TAFA4: variants seen among roughly 807,000 people sequenced by gnomAD.
The protein encoded by TAFA4 is chemokine-like protein TAFA-4.
TAFA4 carries 20 observed loss-of-function variants against 21.1 expected under a neutral mutation model. The observed-to-expected ratio is 0.95, with a 90% CI of 0.67 to 1.38. TAFA4 has a LOEUF of 1.38. Among genes scored for constraint, TAFA4 ranks in the 40% most tolerant of loss-of-function variants. The probability of loss-of-function intolerance (pLI) is 0.00; values close to 1 mark genes in which losing one functional copy is unlikely to be tolerated. For missense variants in TAFA4, 211 were observed against 180.9 expected, an observed-to-expected ratio of 1.17 and a Z score of -0.95; for synonymous variants, 71 against 67.4, an observed-to-expected ratio of 1.05 and a Z score of -0.26.
At chr3:68,738,803 C>G (rs7626497) in intron 5 of TAFA4, among the ~76,000 whole-genome samples, 1 of 151,986 alleles carries the variant, frequency 6.6e-6, no homozygotes, top group African/African-American at 2.4e-5. Flanking sequence ...GAAACCTTTA[C>G]TTTAAATCGG....
At chr3:68,924,393 GT>G (rs11290171) in intron 1 of TAFA4, among the ~76,000 whole-genome samples, 16,390 of 152,184 alleles carry the variant, frequency 0.11, 2,494 homozygotes, top group African/African-American at 0.33. Context: ...AACGAATAAT[GT>G]TATGTCTCCA....
At chr3:68,909,080 T>C (rs144627242) in intron 1 of TAFA4, among the ~76,000 whole-genome samples, 3 of 152,334 alleles carry the variant, frequency 2.0e-5, no homozygotes, top group East Asian at 3.9e-4. Context: ...TTTAAATTTA[T>C]GTATCTGCTT....
At chr3:68,855,075 T>C (rs1705042267) in intron 3 of TAFA4, among the ~76,000 whole-genome samples, 1 of 152,154 alleles carries the variant, frequency 6.6e-6, no homozygotes, top group African/African-American at 2.4e-5. Context: ...AACAAATGAC[T>C]GTATGAAAGC....
chr3:68,826,858 A>G (rs1265048452), intron 3 of TAFA4, among the ~76,000 whole-genome samples: 1 of 152,180 alleles, frequency 6.6e-6, no homozygotes, highest in Non-Finnish European at 1.5e-5. Context: ...AGAAGAAATA[A>G]CAGGTCTTGT....
At chr3:68,850,698 AG>A (rs999925678) in intron 3 of TAFA4, among the ~76,000 whole-genome samples, 4 of 151,328 alleles carry the variant, frequency 2.6e-5, no homozygotes, top group African/African-American at 9.7e-5. Flanking sequence ...TCTTTTGAGA[AG>A]TGTTCGTGTC....
intron 3 of TAFA4, among the ~76,000 whole-genome samples, chr3:68,765,066 C>CTA (rs35419426): frequency 0.045 from 6,840 of 152,032 alleles, 387 homozygotes; most frequent in East Asian, 0.25. Context: ...TTAAAAAAAA[C>CTA]TATATATATC....
chr3:68,908,580 C>T (rs919486803), intron 1 of TAFA4, among the ~76,000 whole-genome samples: 5 of 151,690 alleles, frequency 3.3e-5, no homozygotes, highest in African/African-American at 4.8e-5. Context: ...ATGGAATTCT[C>T]CAGAGGTAAA....
chr3:68,889,087 T>G (rs2089705326), intron 1 of TAFA4, among the ~76,000 whole-genome samples: 1 of 152,188 alleles, frequency 6.6e-6, no homozygotes, highest in Non-Finnish European at 1.5e-5. Flanking sequence ...AAGTCATGTG[T>G]TTTTAAAGAG....
intron 3 of TAFA4, among the ~76,000 whole-genome samples, chr3:68,871,278 T>C (rs2089479994): frequency 6.6e-6 from 1 of 152,012 alleles, no homozygotes; most frequent in African/African-American, 2.4e-5. Flanking sequence ...GCAGCACTAT[T>C]TACAATACCA....
chr3:68,876,705 C>G (rs1409221388), intron 3 of TAFA4, among the ~76,000 whole-genome samples: 1 of 151,814 alleles, frequency 6.6e-6, no homozygotes, highest in Non-Finnish European at 1.5e-5. Flanking sequence ...CACACAATCA[C>G]AACATGCATA....
intron 3 of TAFA4, among the ~76,000 whole-genome samples, chr3:68,780,519 G>T (rs1397496575): frequency 6.6e-6 from 1 of 152,164 alleles, no homozygotes; most frequent in African/African-American, 2.4e-5. Flanking sequence ...AGTCTCATGA[G>T]ATCTGATGGT....
At chr3:68,760,209 A>G (rs1702736010) in intron 3 of TAFA4, among the ~76,000 whole-genome samples, 1 of 152,218 alleles carries the variant, frequency 6.6e-6, no homozygotes, top group Non-Finnish European at 1.5e-5. Context: ...CAGGACTGCT[A>G]TAGAGGATGG....
intron 3 of TAFA4, among the ~76,000 whole-genome samples, chr3:68,825,675 A>T (rs552010946): frequency 4.6e-5 from 7 of 152,234 alleles, no homozygotes; most frequent in Non-Finnish European, 8.8e-5. Flanking sequence ...AGTGTCCAGC[A>T]TAACTCATAA....
At chr3:68,883,487 C>T (rs1028544823) in intron 2 of TAFA4, among the ~76,000 whole-genome samples, 26 of 152,158 alleles carry the variant, frequency 1.7e-4, no homozygotes, top group African/African-American at 6.3e-4. Context: ...TTCATCTATG[C>T]CTTACAGGTG....
At chr3:68,901,659 C>A (rs1490483474) in intron 1 of TAFA4, among the ~76,000 whole-genome samples, 1 of 152,152 alleles carries the variant, frequency 6.6e-6, no homozygotes, top group Non-Finnish European at 1.5e-5. Flanking sequence ...CAGTACCGTT[C>A]TAGAACATTT....
At chr3:68,882,756 AG>A (rs1321984907) in intron 2 of TAFA4, among the ~76,000 whole-genome samples, 4 of 152,196 alleles carry the variant, frequency 2.6e-5, no homozygotes, top group Non-Finnish European at 4.4e-5. Context: ...TCTAGAACTC[AG>A]GTAAGATCCA....
At chr3:68,878,484 G>T (rs2089579189) in intron 3 of TAFA4, among the ~76,000 whole-genome samples, 3 of 152,152 alleles carry the variant, frequency 2.0e-5, no homozygotes, top group African/African-American at 4.8e-5. Flanking sequence ...CCTTCCAGAA[G>T]GCATCTTTCC....
At chr3:68,921,572 C>A (rs987617419) in intron 1 of TAFA4, among the ~76,000 whole-genome samples, 2 of 152,134 alleles carry the variant, frequency 1.3e-5, no homozygotes, top group Admixed American at 1.3e-4. Context: ...TTTCCATACC[C>A]CCTCAAGTCC....
At chr3:68,825,056 C>G (rs1334110684) in intron 3 of TAFA4, among the ~76,000 whole-genome samples, 1 of 152,150 alleles carries the variant, frequency 6.6e-6, no homozygotes, top group Non-Finnish European at 1.5e-5. Flanking sequence ...TGGTGGTTTG[C>G]TGCATAGACC....
Sources: allele counts gnomAD v4.1 joint callset (sites outside exome capture counted in the v4.1 genomes callset), GRCh38; gene constraint gnomAD v4.1.1; transcripts MANE v1.5; gene names NCBI Gene and HGNC (gene_info 2026-07-23, HGNC 2026-07-21).